Variants in CCDC171 observed in about 807,000 individuals in gnomAD.
CCDC171 encodes the protein coiled-coil domain-containing protein 171.
Under a neutral mutation model 168.2 loss-of-function variants are expected in CCDC171, and 177 were observed. The observed-to-expected ratio is 1.05, with a 90% CI of 0.93 to 1.19. The LOEUF (loss-of-function observed/expected upper bound fraction) is 1.19, where lower values mean the gene tolerates loss of function less well. Ranked by LOEUF, CCDC171 falls within the 50% of genes most tolerant of loss-of-function variation. CCDC171 has a pLI of 0.00. For synonymous variants in CCDC171, 687 were observed against 540.8 expected, an observed-to-expected ratio of 1.27 and a Z score of -3.75; for missense variants, 1,991 against 1,539.0, an observed-to-expected ratio of 1.29 and a Z score of -4.91.
At chr9:15,655,768 C>T (rs973883438) in intron 7 of CCDC171, among the ~76,000 whole-genome samples, 2 of 152,096 alleles carry the variant, frequency 1.3e-5, no homozygotes, top group African/African-American at 4.8e-5. Context: ...TATACTTCTT[C>T]AAAGAAGATA....
At chr9:16,082,419 G>T in the CCDC171 span, among the ~76,000 whole-genome samples, 2 of 152,266 alleles carry the variant, frequency 1.3e-5, no homozygotes, top group African/African-American at 4.8e-5. Flanking sequence ...TTTTGTGACA[G>T]CTTCATTTTA....
At chr9:15,740,426 G>C (rs770803904) in intron 16 of CCDC171, among the ~76,000 whole-genome samples, 6 of 151,076 alleles carry the variant, frequency 4.0e-5, no homozygotes, top group Non-Finnish European at 8.9e-5. Flanking sequence ...TTTAAATAGA[G>C]GTTTTTGTTT....
chr9:15,799,753 G>C (rs142032975), intron 21 of CCDC171, among the ~76,000 whole-genome samples: 1 of 151,370 alleles, frequency 6.6e-6, no homozygotes, highest in East Asian at 1.9e-4. Context: ...TAACCATCCC[G>C]ACCTTCCCAC....
chr9:15,998,595 A>G (rs1377674452), intron 3 of CCDC171, among the ~76,000 whole-genome samples: 1 of 152,162 alleles, frequency 6.6e-6, no homozygotes, highest in Admixed American at 6.5e-5. Context: ...CAAATAGCCA[A>G]TTGGTCTTTC....
intron 11 of CCDC171, among the ~76,000 whole-genome samples, chr9:15,712,791 G>C (rs2052770326): frequency 6.6e-6 from 1 of 152,170 alleles, no homozygotes; most frequent in African/African-American, 2.4e-5. Context: ...AACAGGAGTT[G>C]TAACCCAATC....
At chr9:15,782,808 G>T (rs2057734516) in intron 20 of CCDC171, among the ~76,000 whole-genome samples, 1 of 152,180 alleles carries the variant, frequency 6.6e-6, no homozygotes. Context: ...ACAATGTGGA[G>T]AGTTCGGCAG....
intron 8 of CCDC171, among the ~76,000 whole-genome samples, chr9:15,661,826 A>G (rs116469975): frequency 0.021 from 3,169 of 152,322 alleles, 106 homozygotes; most frequent in African/African-American, 0.072. Flanking sequence ...GAAGGTAGCA[A>G]TGTAGACAAG....
intron 25 of CCDC171, among the ~76,000 whole-genome samples, chr9:15,960,230 A>G (rs1324831760): frequency 6.6e-6 from 1 of 152,244 alleles, no homozygotes; most frequent in Non-Finnish European, 1.5e-5. Flanking sequence ...TTATAATTTA[A>G]GAAGAACTGG....
chr9:16,028,411 C>A (rs1269585036), intron 6 of CCDC171, among the ~76,000 whole-genome samples: 1 of 151,964 alleles, frequency 6.6e-6, no homozygotes, highest in Non-Finnish European at 1.5e-5. Context: ...AGATCTAGTA[C>A]AAAAGAGAAA....
chr9:15,983,882 G>C (rs1485896917), intron 3 of CCDC171, among the ~76,000 whole-genome samples: 2 of 147,384 alleles, frequency 1.4e-5, no homozygotes, highest in Non-Finnish European at 3.0e-5. Context: ...CAGCACTACT[G>C]TATCAATTTT....
At chr9:15,650,593 TTC>T (rs1352142733) in intron 7 of CCDC171, among the ~76,000 whole-genome samples, 1 of 152,194 alleles carries the variant, frequency 6.6e-6, no homozygotes, top group African/African-American at 2.4e-5. Context: ...ATCGTATGAT[TTC>T]TTTTTTTATT....
At chr9:16,101,025 GT>G in the CCDC171 span, among the ~76,000 whole-genome samples, 1 of 152,248 alleles carries the variant, frequency 6.6e-6, no homozygotes, top group African/African-American at 2.4e-5. Flanking sequence ...TATGCAGGGT[GT>G]TGACAGGCTC....
At chr9:15,726,311 T>G in intron 14 of CCDC171, among the ~76,000 whole-genome samples, 1 of 152,170 alleles carries the variant, frequency 6.6e-6, no homozygotes, top group Non-Finnish European at 1.5e-5. Context: ...TCTCTTTTCA[T>G]GCCAAATGGA....
At chr9:15,562,607 A>T (rs904624816) in intron 1 of CCDC171, among the ~76,000 whole-genome samples, 1 of 152,158 alleles carries the variant, frequency 6.6e-6, no homozygotes, top group African/African-American at 2.4e-5. Context: ...TCTGCCCAAT[A>T]TACGAAAACA....
chr9:15,859,916 C>T (rs752488813), intron 23 of CCDC171, among the ~76,000 whole-genome samples: 1 of 151,904 alleles, frequency 6.6e-6, no homozygotes, highest in East Asian at 1.9e-4. Context: ...ACTCCTCCCA[C>T]CTTGGCCACG....
intron 16 of CCDC171, among the ~76,000 whole-genome samples, chr9:15,740,582 G>A (rs1437512531): frequency 6.6e-6 from 1 of 152,016 alleles, no homozygotes; most frequent in African/African-American, 2.4e-5. Context: ...TTACAGGCCT[G>A]TGCCATCATG....
the CCDC171 span, among the ~76,000 whole-genome samples, chr9:16,089,749 C>T: frequency 6.8e-6 from 1 of 146,988 alleles, no homozygotes; most frequent in Non-Finnish European, 1.5e-5. Flanking sequence ...AAAAAAAAAA[C>T]CCATCAAAAA....
At chr9:16,000,279 G>A (rs375382011) in intron 3 of CCDC171, among the ~76,000 whole-genome samples, 20 of 152,046 alleles carry the variant, frequency 1.3e-4, no homozygotes, top group East Asian at 1.2e-3. Flanking sequence ...TTTTCTTTCC[G>A]TATTATTCTC....
At chr9:15,968,954 TTTTCC>T (rs1256941642) in intron 25 of CCDC171, among the ~76,000 whole-genome samples, 1 of 152,210 alleles carries the variant, frequency 6.6e-6, no homozygotes, top group East Asian at 1.9e-4. Context: ...CAGTCATTTG[TTTTCC>T]TTTATACAAA....
Sources: gnomAD v4.1 joint callset for allele counts (sites outside exome capture counted in the v4.1 genomes callset) on GRCh38, gnomAD v4.1.1 for gene constraint, MANE v1.5 for transcripts, NCBI Gene and HGNC (gene_info 2026-07-23, HGNC 2026-07-21) for gene names.